The following GRIA1 variants were observed in gnomAD, a reference collection of about 807,000 sequenced individuals.
The protein encoded by GRIA1 is glutamate ionotropic receptor AMPA type subunit 1.
A neutral mutation model predicts 99.2 loss-of-function variants in GRIA1; 31 were observed. The observed-to-expected ratio is 0.31, with a 90% CI of 0.23 to 0.42. The LOEUF (loss-of-function observed/expected upper bound fraction) is 0.42, where lower values mean the gene tolerates loss of function less well. Ranked by LOEUF, GRIA1 falls within the 10% of genes least tolerant of loss-of-function variation. The pLI is 1.00. For synonymous variants in GRIA1, 438 were observed against 432.4 expected, an observed-to-expected ratio of 1.01 and a Z score of -0.16; for missense variants, 782 against 1,157.5, an observed-to-expected ratio of 0.68 and a Z score of 4.71.
intron 11 of GRIA1, among the ~76,000 whole-genome samples, chr5:153,706,864 G>A (rs943055832): frequency 6.6e-6 from 1 of 152,172 alleles, no homozygotes; most frequent in Admixed American, 6.5e-5. Flanking sequence ...GGAGGCCAAG[G>A]CAGGTGGATT....
intron 2 of GRIA1, among the ~76,000 whole-genome samples, chr5:153,514,829 A>G (rs910462680): frequency 1.3e-5 from 2 of 152,208 alleles, no homozygotes; most frequent in African/African-American, 4.8e-5. Flanking sequence ...AAAGCATACA[A>G]TAATGGACAA....
chr5:153,521,671 G>T (rs1412078732), intron 2 of GRIA1, among the ~76,000 whole-genome samples: 1 of 152,156 alleles, frequency 6.6e-6, no homozygotes, highest in Admixed American at 6.5e-5. Flanking sequence ...TAGCTCTGGT[G>T]GTTGAAGCTA....
rs146043589 is a variant in GRIA1, at chr5:153,785,479, C to T, written c.2271-9142C>T. On this transcript the variant is annotated intron_variant, in intron 13 of 15. Transcript: ENST00000285900. ...AATATTTTATATTGCCAGGAAAAGA[C>T]AAAGGAAACAAAAAAAATTACCGTC... 7.4e-3 allele frequency among the ~76,000 whole-genome samples: 1,128 copies of T among 151,630 alleles called. 4 individuals carry two copies. The highest frequency in any genetic ancestry group is 0.015 in the South Asian group (73 of 4,796).
chr5:153,496,712 G>C (rs1754467407), intron 2 of GRIA1, among the ~76,000 whole-genome samples: 1 of 152,110 alleles, frequency 6.6e-6, no homozygotes. Context: ...ATGTCAGTGG[G>C]AGCAAAGCAG....
chr5:153,659,869 T>C lies in GRIA1; in HGVS notation c.699+3997T>C, dbSNP rs142012016. On this transcript the variant is annotated intron_variant, in intron 5 of 15. Transcript: ENST00000285900. ...AAAATATTGAATTTGTTGGACAACA[T>C]TGACCAGTGTGAACAATATGGTGCC... 2.4e-3 allele frequency among the ~76,000 whole-genome samples: 358 copies of C among 152,330 alleles called. 4 individuals carry two copies. The highest frequency in any genetic ancestry group is 8.5e-3 in the African/African-American group (352 of 41,580).
rs1284783625 is a variant in GRIA1, at chr5:153,650,486, C to T, written c.617C>T (p.Ser206Leu). 1 of 1,613,788 alleles carries T rather than the reference C, an allele frequency of 6.2e-7. No individual in the cohort carries two copies. Among genetic ancestry groups the T allele is most frequent in the East Asian group, 2.2e-5 (1 of 44,848 alleles). Residue 206 changes from serine (S) to leucine (L), a missense_variant, in exon 4 of 16, where the codon TCA becomes TTA. Around this residue, in one of 5 missense-constraint regions of GRIA1, gnomAD observed 461 missense variants for 521.7 expected, o/e 0.88. Transcript: ENST00000285900. Reference sequence around the variant, plus strand: ...CGGCTGGTGGTGGTGGACTGTGAATCAGAACGCCTCAATGCTATCTTGGGC... The same window carrying T: ...CGGCTGGTGGTGGTGGACTGTGAATTAGAACGCCTCAATGCTATCTTGGGC... ...KERLVVVDCE[S>L]ERLNAILGQI...
intron 2 of GRIA1, among the ~76,000 whole-genome samples, chr5:153,544,566 A>G (rs1381589027): frequency 2.0e-5 from 3 of 152,228 alleles, no homozygotes; most frequent in African/African-American, 7.2e-5. Flanking sequence ...AGATTTACAG[A>G]CATTACCAAA....
chr5:153,809,411 G>A (rs1196090865), intron 15 of GRIA1, among the ~76,000 whole-genome samples: 1 of 152,164 alleles, frequency 6.6e-6, no homozygotes, highest in East Asian at 1.9e-4. Context: ...TGCATCATAT[G>A]GGGCAAATCT....
chr5:153,592,013 T>C (rs931791612), intron 2 of GRIA1, among the ~76,000 whole-genome samples: 15 of 151,946 alleles, frequency 9.9e-5, no homozygotes, highest in Non-Finnish European at 2.2e-4. Flanking sequence ...GGCAAAAACA[T>C]CTCGGGCTTT....
At chr5:153,808,296 G>T (rs925211640) in intron 15 of GRIA1, among the ~76,000 whole-genome samples, 1 of 152,024 alleles carries the variant, frequency 6.6e-6, no homozygotes, top group Non-Finnish European at 1.5e-5. Flanking sequence ...TTTAAGAATG[G>T]CTGGCATGTC....
chr5:153,666,956 T>C (rs1443968206), intron 5 of GRIA1, among the ~76,000 whole-genome samples: 3 of 152,190 alleles, frequency 2.0e-5, no homozygotes, highest in Non-Finnish European at 4.4e-5. Flanking sequence ...ACTTACTTTC[T>C]TGGTCTTCTA....
At position 153,763,746 on chromosome 5, in the gene GRIA1, T is replaced by A. The variant is rs111238794; in HGVS notation, c.1824-688T>A. ...AGAGGGGAATAGCAATCTGAAAAGT[T>A]CAAAGATAAATTTCTCACCTCATAA... is the stretch of plus-strand genomic sequence containing the variant. On this transcript the variant is annotated intron_variant, in intron 11 of 15. Transcript: ENST00000285900. 6.0e-3 allele frequency among the ~76,000 whole-genome samples: 914 copies of A among 152,364 alleles called. 10 individuals carry two copies. The highest frequency in any genetic ancestry group is 0.021 in the African/African-American group (873 of 41,572).
intron 2 of GRIA1, among the ~76,000 whole-genome samples, chr5:153,505,800 T>G (rs1755433912): frequency 6.6e-6 from 1 of 152,242 alleles, no homozygotes. Flanking sequence ...ATAAAATATA[T>G]AGAGAGAGAT....
intron 2 of GRIA1, among the ~76,000 whole-genome samples, chr5:153,499,520 C>T (rs766903739): frequency 2.8e-5 from 4 of 141,186 alleles, no homozygotes; most frequent in Non-Finnish European, 6.0e-5. Flanking sequence ...GAGGCTGAGG[C>T]AGGAGAATTG....
At chr5:153,754,104 T>C (rs543817265) in intron 11 of GRIA1, among the ~76,000 whole-genome samples, 5 of 152,316 alleles carry the variant, frequency 3.3e-5, no homozygotes, top group African/African-American at 1.2e-4. Context: ...GTTGTGGAGA[T>C]GGTCAGTGAA....
At chr5:153,758,872 A>C (rs1398232055) in intron 11 of GRIA1, among the ~76,000 whole-genome samples, 1 of 152,026 alleles carries the variant, frequency 6.6e-6, no homozygotes, top group Non-Finnish European at 1.5e-5. Context: ...ATTTTTAAAA[A>C]TCAAAATTAT....
Position 153,766,923 on chromosome 5 carries a change from T to C in GRIA1, c.2022+2291T>C, listed in dbSNP as rs554283201. Among the ~76,000 whole-genome samples the C allele has an allele frequency of 2.0e-5, 3 of 152,344 alleles. No homozygotes were observed. The East Asian group carries it at 5.8e-4, about 29-fold the overall frequency. ...GAACCTGGAACCAGGGCAGTGCATATTCTACAAGTTCTGTGCCCAGGCCTA... is the reference window on the plus strand; with the variant it reads ...GAACCTGGAACCAGGGCAGTGCATACTCTACAAGTTCTGTGCCCAGGCCTA... On this transcript the variant is annotated intron_variant, in intron 12 of 15. Coordinates refer to ENST00000285900, the MANE Select transcript of GRIA1 (RefSeq NM_000827.4).
intron 14 of GRIA1, among the ~76,000 whole-genome samples, chr5:153,800,615 C>T (rs1765948273): frequency 6.6e-6 from 1 of 152,202 alleles, no homozygotes; most frequent in Admixed American, 6.5e-5. Context: ...TTTAGCAATA[C>T]AGGAAGCCAC....
chr5:153,586,239 G>A (rs1417951554), intron 2 of GRIA1, among the ~76,000 whole-genome samples: 1 of 152,124 alleles, frequency 6.6e-6, no homozygotes, highest in Non-Finnish European at 1.5e-5. Flanking sequence ...TATTTGTTCT[G>A]GTTATGGTTG....
Sources: allele counts gnomAD v4.1 joint callset (sites outside exome capture counted in the v4.1 genomes callset), GRCh38; gene constraint gnomAD v4.1.1; regional missense constraint gnomAD v4.1.1; transcripts MANE v1.5; gene names NCBI Gene and HGNC (gene_info 2026-07-23, HGNC 2026-07-21).